Variants in GRID2 observed in about 807,000 individuals in gnomAD.
The protein encoded by GRID2 is glutamate ionotropic receptor delta type subunit 2.
A neutral mutation model predicts 114.8 loss-of-function variants in GRID2; 33 were observed. The observed-to-expected ratio is 0.29, with a 90% CI of 0.22 to 0.38. The LOEUF (loss-of-function observed/expected upper bound fraction) is 0.38. GRID2 is among the 10% of genes least tolerant of loss of function. The pLI is 1.00. For synonymous variants in GRID2, 505 were observed against 449.9 expected (o/e 1.12, Z -1.55); for missense variants, 1,184 against 1,257.7 (o/e 0.94, Z 0.89).
At chr4:92,783,999 T>C (rs986378652) in intron 2 of GRID2, among the ~76,000 whole-genome samples, 1 of 152,058 alleles carries the variant, frequency 6.6e-6, no homozygotes, top group Non-Finnish European at 1.5e-5. Context: ...TAAATCAATG[T>C]TTTTCCTTTC....
chr4:93,334,064 T>A (rs1361527094), intron 8 of GRID2, among the ~76,000 whole-genome samples: 2 of 152,316 alleles, frequency 1.3e-5, no homozygotes, highest in Middle Eastern at 3.4e-3. Flanking sequence ...TTTCTTTTAA[T>A]GTGGACATAT....
chr4:92,490,122 TACTC>T, intron 1 of GRID2, among the ~76,000 whole-genome samples: 2 of 152,298 alleles, frequency 1.3e-5, no homozygotes, highest in South Asian at 4.1e-4. Context: ...CAAATTCTGT[TACTC>T]ATGCTTTATA....
chr4:93,072,588 G>T (rs1276064152), intron 2 of GRID2, among the ~76,000 whole-genome samples: 1 of 151,544 alleles, frequency 6.6e-6, no homozygotes, highest in Admixed American at 6.6e-5. Flanking sequence ...AACTCTGCAG[G>T]CCCATTTTTA....
chr4:93,767,922 A>G lies in GRID2; in HGVS notation c.2361-1288A>G, dbSNP rs550719023. ...AAACCTGTTTGATATAATATATTCT[A>G]TGTTCTTATCTGGACAAATATACCT... On this transcript the variant is annotated intron_variant, in intron 14 of 15. Coordinates refer to ENST00000282020, the MANE Select transcript of GRID2 (RefSeq NM_001510.4). Among the ~76,000 whole-genome samples, 19 of 152,290 alleles carry G rather than the reference A, an allele frequency of 1.2e-4. No individual in the cohort carries two copies. The South Asian group carries it at 2.9e-3, about 23-fold the overall frequency.
chr4:93,709,198 A>T (rs969884088), intron 14 of GRID2, among the ~76,000 whole-genome samples: 1 of 152,106 alleles, frequency 6.6e-6, no homozygotes. Flanking sequence ...GTACATTCAG[A>T]TGATTTATTA....
rs376757971 is a variant in GRID2, at chr4:92,379,560, T to C, written c.88+74816T>C. The stretch of plus-strand genomic sequence containing the variant: ...TAATTAAACCTCATGTTAATGGAGA[T>C]ATATGGCGGGGTTGAACAGTATATT... On this transcript the variant is annotated intron_variant, in intron 1 of 15. Coordinates refer to ENST00000282020, the MANE Select transcript of GRID2 (RefSeq NM_001510.4). 2.9e-4 allele frequency among the ~76,000 whole-genome samples: 44 copies of C among 152,118 alleles called. No homozygotes were observed. In the East Asian group the frequency reaches 7.7e-3, roughly 27 times the overall value.
intron 13 of GRID2, among the ~76,000 whole-genome samples, chr4:93,552,125 C>T (rs557361630): frequency 1.5e-3 from 228 of 149,018 alleles, no homozygotes; most frequent in South Asian, 4.7e-3. Flanking sequence ...TGAGAACATG[C>T]GGTGTTTGGT....
intron 2 of GRID2, among the ~76,000 whole-genome samples, chr4:92,592,475 T>C (rs1728751121): frequency 6.6e-6 from 1 of 151,252 alleles, no homozygotes; most frequent in African/African-American, 2.4e-5. Flanking sequence ...TACTACACCT[T>C]TTTTTTTGTT....
At chr4:92,440,501 CA>C (rs894155171) in intron 1 of GRID2, among the ~76,000 whole-genome samples, 3 of 151,966 alleles carry the variant, frequency 2.0e-5, no homozygotes, top group African/African-American at 7.2e-5. Context: ...CTGGGTGGGG[CA>C]AATCCTCGAG....
At chr4:93,079,401 T>A (rs1729650197) in intron 2 of GRID2, among the ~76,000 whole-genome samples, 1 of 151,894 alleles carries the variant, frequency 6.6e-6, no homozygotes, top group Admixed American at 6.6e-5. Context: ...TTCTTTTCTT[T>A]TTTTCTTTTT....
chr4:92,660,816 A>G (rs1382002723), intron 2 of GRID2, among the ~76,000 whole-genome samples: 2 of 151,232 alleles, frequency 1.3e-5, no homozygotes, highest in African/African-American at 2.4e-5. Context: ...TATATGTTGC[A>G]TAAAACAAGG....
intron 1 of GRID2, among the ~76,000 whole-genome samples, chr4:92,485,931 G>A (rs1460878976): frequency 6.6e-6 from 1 of 151,768 alleles, no homozygotes. Flanking sequence ...TAGAAATAAT[G>A]AGTATAGTGA....
chr4:93,272,107 T>G (rs1751527520), intron 8 of GRID2, among the ~76,000 whole-genome samples: 1 of 152,138 alleles, frequency 6.6e-6, no homozygotes, highest in Non-Finnish European at 1.5e-5. Flanking sequence ...AGAAGTAGCC[T>G]TTGCAATTTT....
intron 14 of GRID2, among the ~76,000 whole-genome samples, chr4:93,727,277 C>T (rs1730007610): frequency 6.6e-6 from 1 of 152,058 alleles, no homozygotes; most frequent in South Asian, 2.1e-4. Flanking sequence ...TGTTTATATG[C>T]TGGATTACAT....
rs60017147 is a variant in GRID2, at chr4:93,126,584, C to CTTTTTTT, written c.735+15656_735+15662dup. Reference sequence around the variant, plus strand: ...GACAGTCATTGATAACTATTTAATTCTTTTTTTTTTTTTTTTTTTTTTTTT... The same window carrying CTTTTTTT: ...GACAGTCATTGATAACTATTTAATTCTTTTTTTTTTTTTTTTTTTTTTTTTTTTTTTT... On this transcript the variant is annotated intron_variant, in intron 4 of 15. Coordinates refer to ENST00000282020, the MANE Select transcript of GRID2 (RefSeq NM_001510.4). 2.7e-3 allele frequency among the ~76,000 whole-genome samples: 142 copies of CTTTTTTT among 52,756 alleles called. 11 individuals carry two copies. Among genetic ancestry groups the CTTTTTTT allele is most frequent in the Non-Finnish European group, 3.1e-3 (93 of 30,144 alleles). The allele number at this position is 52,756 out of a possible 152,430, so 34.6% of individuals were successfully genotyped here. A position where few individuals can be genotyped will look rare whatever the true frequency, so the allele number is the denominator to read the frequency against.
chr4:92,330,701 G>T (rs925605553), intron 1 of GRID2, among the ~76,000 whole-genome samples: 1 of 151,618 alleles, frequency 6.6e-6, no homozygotes, highest in Non-Finnish European at 1.5e-5. Context: ...TATTTCTTTT[G>T]TGAAAAACCA....
intron 1 of GRID2, among the ~76,000 whole-genome samples, chr4:92,523,791 G>A (rs1422679316): frequency 3.3e-5 from 5 of 151,944 alleles, no homozygotes; most frequent in African/African-American, 1.2e-4. Flanking sequence ...GGGGCTCAGA[G>A]AGTGGGAGTG....
intron 13 of GRID2, among the ~76,000 whole-genome samples, chr4:93,527,104 TA>T (rs1730987682): frequency 6.6e-6 from 1 of 152,132 alleles, no homozygotes; most frequent in Non-Finnish European, 1.5e-5. Flanking sequence ...CATTCTGATT[TA>T]TGTGTTCAGT....
chr4:93,189,872 CA>C (rs1383573506), intron 4 of GRID2, among the ~76,000 whole-genome samples: 1 of 150,188 alleles, frequency 6.7e-6, no homozygotes, highest in Non-Finnish European at 1.5e-5. Context: ...GTTTCTGCTC[CA>C]AAAGTGTGTA....
Sources: allele counts gnomAD v4.1 joint callset (sites outside exome capture counted in the v4.1 genomes callset), GRCh38; gene constraint gnomAD v4.1.1; transcripts MANE v1.5; gene names NCBI Gene and HGNC (gene_info 2026-07-23, HGNC 2026-07-21).